The following CTNNB1 variants were observed in gnomAD, a reference collection of about 807,000 sequenced individuals.
The protein encoded by CTNNB1 is catenin beta-1.
CTNNB1 carries 6 observed loss-of-function variants against 82.5 expected under a neutral mutation model. That is an observed-to-expected ratio of 0.07 (90% CI 0.04 to 0.14). The LOEUF (loss-of-function observed/expected upper bound fraction) is 0.14, where lower values mean the gene tolerates loss of function less well. Among genes scored for constraint, CTNNB1 ranks in the 10% least tolerant of loss-of-function variants. The probability of loss-of-function intolerance (pLI) is 1.00; values close to 1 mark genes in which losing one functional copy is unlikely to be tolerated. For missense variants in CTNNB1, 529 were observed against 980.4 expected, an observed-to-expected ratio of 0.54 and a Z score of 6.15; for synonymous variants, 312 against 329.7, an observed-to-expected ratio of 0.95 and a Z score of 0.58.
chr3:41,236,218 T>A (rs2078431440), intron 11 of CTNNB1, 131 bp from the exon 12 acceptor site: 1 of 1,127,248 alleles, frequency 8.9e-7, no homozygotes, highest in African/African-American at 1.5e-5. Flanking sequence ...AGACATAAAA[T>A]TCAGAGAATA....
chr3:41,210,051 C>T (rs565940555), intron 1 of CTNNB1, among the ~76,000 whole-genome samples: 2 of 152,170 alleles, frequency 1.3e-5, no homozygotes, highest in Admixed American at 6.5e-5. Context: ...TGTAATAACA[C>T]GTAGCTTAAA....
chr3:41,233,165 CAAAGTG>C, intron 7 of CTNNB1, 170 bp from the exon 8 acceptor site: 6 of 669,368 alleles, frequency 9.0e-6, no homozygotes, highest in Non-Finnish European at 1.3e-5. Flanking sequence ...GGTGAACTGG[CAAAGTG>C]AAGGAAACTG....
intron 1 of CTNNB1, among the ~76,000 whole-genome samples, chr3:41,219,912 T>G (rs1394917131): frequency 6.6e-6 from 1 of 152,198 alleles, no homozygotes; most frequent in African/African-American, 2.4e-5. Flanking sequence ...AGGTAGCTTA[T>G]AGTATAGACA....
At chr3:41,220,936 C>A (rs2078033709) in intron 1 of CTNNB1, 2 of 152,166 alleles carry the variant, frequency 1.3e-5, no homozygotes. Context: ...GGCAAGATTT[C>A]TCCCATTGAC....
intron 1 of CTNNB1, among the ~76,000 whole-genome samples, chr3:41,201,819 T>C (rs951397777): frequency 2.0e-5 from 3 of 152,070 alleles, no homozygotes; most frequent in African/African-American, 4.8e-5. Flanking sequence ...CAACATGATA[T>C]AGAAAAGTGT....
rs751808983 is a variant in CTNNB1, at chr3:41,225,082, C to T, written c.370C>T (p.Arg124Cys). 5 of 1,613,954 alleles carry T rather than the reference C, an allele frequency of 3.1e-6. No individual in the cohort carries two copies. The highest frequency in any genetic ancestry group is 1.3e-5 in the African/African-American group (1 of 74,900). ...TGCTGCTCATCCCACTAATGTCCAG[C>T]GTTTGGCTGAACCATCACAGATGCT... ...FDAAHPTNVQRLAEPSQMLKH... is the reference protein window; with the variant it reads ...FDAAHPTNVQCLAEPSQMLKH... Residue 124 changes from arginine (R) to cysteine (C), a missense_variant, in exon 4 of 15, where the codon CGT (arginine) becomes TGT (cysteine). By Grantham distance (180) the Arg-to-Cys change is radical (BLOSUM62 -3). Coordinates refer to ENST00000349496, the MANE Select transcript of CTNNB1 (RefSeq NM_001904.4). This position sits in a 1 kb window ranked among gnomAD's most constrained non-coding sequence, Gnocchi z 5.3.
Position 41,236,575 on chromosome 3 carries a change from CCTT to C in CTNNB1, c.1955-12_1955-10del. 6.2e-7 allele frequency: 1 copy of C among 1,614,188 alleles called. No homozygotes were observed. Among genetic ancestry groups the C allele is most frequent in the Non-Finnish European group, 8.5e-7 (1 of 1,180,032 alleles). On this transcript the variant is annotated splice_polypyrimidine_tract_variant and intron_variant, in intron 12 of 14. Transcript: ENST00000349496. ...AGTTTTTCCTCAAGGGCCTTTTTCT[CCTT>C]GTCTCTTAGCGACATATGCAGCTGC...
At chr3:41,200,787 C>T (rs2077512024) in intron 1 of CTNNB1, among the ~76,000 whole-genome samples, 1 of 152,174 alleles carries the variant, frequency 6.6e-6, no homozygotes, top group Non-Finnish European at 1.5e-5. Context: ...AAAGCTTTGG[C>T]AGTTGGGTGT....
chr3:41,230,863 C>G (rs947666956), intron 7 of CTNNB1, among the ~76,000 whole-genome samples: 5 of 152,176 alleles, frequency 3.3e-5, no homozygotes, highest in Non-Finnish European at 4.4e-5. Context: ...GAATAATTGT[C>G]TTGGGCTACA....
intron 1 of CTNNB1, among the ~76,000 whole-genome samples, chr3:41,215,380 C>CT: frequency 1.5e-5 from 1 of 66,142 alleles, no homozygotes; most frequent in Non-Finnish European, 3.0e-5. Context: ...GAAACACCAT[C>CT]TCAAAAAAAA....
At chr3:41,201,366 C>A (rs942189428) in intron 1 of CTNNB1, among the ~76,000 whole-genome samples, 4 of 151,744 alleles carry the variant, frequency 2.6e-5, no homozygotes, top group African/African-American at 9.7e-5. Flanking sequence ...AAAAAAGTAC[C>A]CTTAAAGGTT....
Position 41,239,369 on chromosome 3 carries a change from A to G in CTNNB1, c.*27A>G, listed in dbSNP as rs1412064512. ...TCATCCTTTAGGTAAGAAGTTTTAA[A>G]AAGCCAGTTTGGGTAAAATACTTTT... On this transcript the variant is annotated 3_prime_UTR_variant, in exon 15 of 15. Coordinates refer to ENST00000349496, the MANE Select transcript of CTNNB1 (RefSeq NM_001904.4). 6.2e-7 allele frequency: 1 copy of G among 1,601,778 alleles called. No individual in the cohort carries two copies. Among genetic ancestry groups the G allele is most frequent in the African/African-American group, 1.3e-5 (1 of 74,758 alleles).
intron 14 of CTNNB1, among the ~76,000 whole-genome samples, 155 bp from the exon 15 acceptor site, chr3:41,238,979 G>C (rs892660663): frequency 1.3e-5 from 2 of 152,204 alleles, no homozygotes; most frequent in African/African-American, 4.8e-5. Context: ...GCTAAAGAAA[G>C]CTGGAGGTTG....
intron 1 of CTNNB1, chr3:41,200,176 A>T (rs1397511470): frequency 6.6e-6 from 1 of 152,202 alleles, no homozygotes; most frequent in African/African-American, 2.4e-5. Context: ...GGATCGGACC[A>T]GTGGACTTTC....
At chr3:41,219,086 A>ATGT (rs2077980517) in intron 1 of CTNNB1, among the ~76,000 whole-genome samples, 1 of 152,202 alleles carries the variant, frequency 6.6e-6, no homozygotes, top group Non-Finnish European at 1.5e-5. Flanking sequence ...TCTGAGATAA[A>ATGT]GCCTATTCAG....
At position 41,233,659 on chromosome 3, in the gene CTNNB1, G is replaced by A; in HGVS notation, c.1316G>A (p.Cys439Tyr). Residue 439 changes from cysteine to tyrosine, a missense_variant, in exon 9 of 15, where the codon TGC (cysteine) becomes TAC (tyrosine). Transcript: ENST00000349496. ...CNNYKNKMMV[C>Y]QVGGIEALVR... ...AATTATAAGAACAAGATGATGGTCT[G>A]CCAAGTGGGTGGTATAGAGGCTCTT... 1 of 1,614,172 alleles carries A rather than the reference G, an allele frequency of 6.2e-7. No homozygotes were observed. Among genetic ancestry groups the A allele is most frequent in the Non-Finnish European group, 8.5e-7 (1 of 1,180,042 alleles).
In CTNNB1 at chr3:41,208,844, C is replaced by G. The variant is rs371430172; in HGVS notation, c.-49+9174C>G. On this transcript the variant is annotated intron_variant, in intron 1 of 14. Transcript: ENST00000349496. ...CTTTTCTTGTCTCTACTGGCTCTTT[C>G]CATGAGCAAACATGGTATTATCCCA... Among the ~76,000 whole-genome samples the G allele has an allele frequency of 2.0e-4, 30 of 152,274 alleles. No homozygotes were observed. In the South Asian group the frequency reaches 6.2e-3, roughly 32 times the overall value.
chr3:41,210,759 C>G (rs1455592994), intron 1 of CTNNB1, among the ~76,000 whole-genome samples: 6 of 151,690 alleles, frequency 4.0e-5, no homozygotes, highest in Admixed American at 6.6e-5. Context: ...TTATCATTAT[C>G]AAGTGTCATG....
chr3:41,200,692 C>A (rs918805355), intron 1 of CTNNB1, among the ~76,000 whole-genome samples: 1 of 152,192 alleles, frequency 6.6e-6, no homozygotes, highest in African/African-American at 2.4e-5. Context: ...CAACTTCTTT[C>A]AGTGTTTTGT....
Sources: allele counts gnomAD v4.1 joint callset (sites outside exome capture counted in the v4.1 genomes callset), GRCh38; gene constraint gnomAD v4.1.1; non-coding constraint Gnocchi (gnomAD v3.1); transcripts MANE v1.5; gene names NCBI Gene and HGNC (gene_info 2026-07-23, HGNC 2026-07-21).